JAZF1: variants seen among roughly 807,000 people sequenced by gnomAD.
JAZF1 encodes juxtaposed with another zinc finger protein 1.
In JAZF1, 8 loss-of-function variants were observed where a neutral mutation model predicts 26.4. The ratio of observed to expected loss-of-function variants is 0.30; its 90% CI spans 0.18 to 0.55. The LOEUF is 0.55. JAZF1 is among the 20% of genes least tolerant of loss of function. The pLI, the probability that JAZF1 is intolerant of heterozygous loss-of-function variation, is 0.94. For synonymous variants in JAZF1, 126 were observed against 122.3 expected, an observed-to-expected ratio of 1.03 and a Z score of -0.20; for missense variants, 199 against 322.0, an observed-to-expected ratio of 0.62 and a Z score of 2.92.
In JAZF1 at chr7:28,056,636, A is replaced by G. The variant is rs368623436; in HGVS notation, c.116-64655T>C. On this transcript the variant is annotated intron_variant, in intron 1 of 4. Coordinates refer to ENST00000283928, the MANE Select transcript of JAZF1 (RefSeq NM_175061.4). Reference sequence around the variant, plus strand: ...ATTAAACTAAAAGCAAACACAGCTCATGAAATCAGGAGAGCTATCTGGCTT... The same window carrying G: ...ATTAAACTAAAAGCAAACACAGCTCGTGAAATCAGGAGAGCTATCTGGCTT... 7.2e-5 allele frequency among the ~76,000 whole-genome samples: 11 copies of G among 152,306 alleles called. No homozygotes were observed. The East Asian group carries it at 2.1e-3, about 29-fold the overall frequency.
intron 3 of JAZF1, among the ~76,000 whole-genome samples, chr7:27,852,145 T>TC (rs1051459781): frequency 1.3e-5 from 2 of 150,604 alleles, no homozygotes; most frequent in Non-Finnish European, 2.9e-5. Flanking sequence ...TTTTTTTTTT[T>TC]CTTTGAGATG....
intron 3 of JAZF1, among the ~76,000 whole-genome samples, chr7:27,848,087 T>C (rs1430816885): frequency 1.3e-5 from 2 of 152,222 alleles, no homozygotes; most frequent in African/African-American, 2.4e-5. Flanking sequence ...GTTTTTACTG[T>C]TTCCGTGAAG....
chr7:28,131,818 C>A (rs1782798993), intron 1 of JAZF1, among the ~76,000 whole-genome samples: 1 of 152,134 alleles, frequency 6.6e-6, no homozygotes, highest in Admixed American at 6.5e-5. Flanking sequence ...CATTTGTTCT[C>A]AAAAGTTTCT....
At chr7:28,054,002 T>C (rs1325425529) in intron 1 of JAZF1, among the ~76,000 whole-genome samples, 1 of 152,248 alleles carries the variant, frequency 6.6e-6, no homozygotes, top group Non-Finnish European at 1.5e-5. Flanking sequence ...ATTTCTTCAA[T>C]TAGGGTAGGA....
chr7:28,091,891 G>A (rs1201593727), intron 1 of JAZF1, among the ~76,000 whole-genome samples: 1 of 152,070 alleles, frequency 6.6e-6, no homozygotes, highest in Non-Finnish European at 1.5e-5. Flanking sequence ...ACCTTAGCAT[G>A]TCAATAGGTC....
chr7:28,150,009 T>G (rs2127948151), intron 1 of JAZF1, among the ~76,000 whole-genome samples: 1 of 152,340 alleles, frequency 6.6e-6, no homozygotes, highest in Non-Finnish European at 1.5e-5. Flanking sequence ...AGGAGCACCC[T>G]GACAAACATT....
chr7:28,113,046 G>T (rs1784687003), intron 1 of JAZF1, among the ~76,000 whole-genome samples: 1 of 152,124 alleles, frequency 6.6e-6, no homozygotes, highest in Non-Finnish European at 1.5e-5. Context: ...TGCGCCTCTG[G>T]ACATAATCTC....
chr7:27,882,319 T>A (rs1371997435), intron 3 of JAZF1, among the ~76,000 whole-genome samples: 4 of 151,164 alleles, frequency 2.6e-5, no homozygotes, highest in African/African-American at 7.3e-5. Context: ...TTTTTTTTTT[T>A]AAACAAAAAA....
intron 1 of JAZF1, among the ~76,000 whole-genome samples, chr7:28,147,131 C>A (rs1301822238): frequency 2.0e-5 from 3 of 150,584 alleles, no homozygotes; most frequent in Non-Finnish European, 3.0e-5. Flanking sequence ...TAGGCATGAG[C>A]CAGTGCACCT....
At chr7:28,069,664 AG>A (rs200038273) in intron 1 of JAZF1, among the ~76,000 whole-genome samples, 1 of 152,134 alleles carries the variant, frequency 6.6e-6, no homozygotes, top group Non-Finnish European at 1.5e-5. Flanking sequence ...TAATGACCTA[AG>A]GGGGGAGAAA....
chr7:27,899,101 C>T (rs1227474755), intron 2 of JAZF1, among the ~76,000 whole-genome samples: 3 of 152,346 alleles, frequency 2.0e-5, no homozygotes, highest in African/African-American at 4.8e-5. Context: ...AACCCATTTT[C>T]TGAGACTTAA....
intron 2 of JAZF1, among the ~76,000 whole-genome samples, chr7:27,921,350 T>TC (rs70977010): frequency 3.3e-3 from 497 of 151,602 alleles, no homozygotes; most frequent in Non-Finnish European, 5.6e-3. Context: ...TTTTTTTTTT[T>TC]CCTTTTTACA....
At chr7:27,875,921 T>C (rs1231674881) in intron 3 of JAZF1, among the ~76,000 whole-genome samples, 1 of 152,094 alleles carries the variant, frequency 6.6e-6, no homozygotes, top group South Asian at 2.1e-4. Context: ...ATTTCCTATA[T>C]TTCCAGTCAT....
At chr7:27,889,410 AT>A (rs1453287290) in intron 3 of JAZF1, among the ~76,000 whole-genome samples, 6 of 152,156 alleles carry the variant, frequency 3.9e-5, no homozygotes, top group Non-Finnish European at 8.8e-5. Context: ...CTATAGGATG[AT>A]CCCACGTCAA....
At chr7:28,071,222 C>T (rs1414604455) in intron 1 of JAZF1, among the ~76,000 whole-genome samples, 1 of 152,198 alleles carries the variant, frequency 6.6e-6, no homozygotes, top group Admixed American at 6.5e-5. Context: ...GGAGGTTTGA[C>T]ACCAAAAGAG....
chr7:27,846,009 C>T (rs546118156), intron 3 of JAZF1, among the ~76,000 whole-genome samples: 4 of 152,154 alleles, frequency 2.6e-5, no homozygotes, highest in South Asian at 2.1e-4. Context: ...CCTCCCCATA[C>T]GTTCCTGCTT....
At chr7:27,897,530 A>G (rs1048244416) in intron 2 of JAZF1, among the ~76,000 whole-genome samples, 1 of 152,162 alleles carries the variant, frequency 6.6e-6, no homozygotes, top group Non-Finnish European at 1.5e-5. Context: ...TGTGTCAACT[A>G]TGTTACTAGG....
chr7:28,038,166 T>C (rs1783326355), intron 1 of JAZF1, among the ~76,000 whole-genome samples: 2 of 152,154 alleles, frequency 1.3e-5, no homozygotes, highest in African/African-American at 4.8e-5. Context: ...GAATGGGAAT[T>C]TCCATGAAGT....
At chr7:28,132,757 A>C (rs896493301) in intron 1 of JAZF1, among the ~76,000 whole-genome samples, 2 of 152,222 alleles carry the variant, frequency 1.3e-5, no homozygotes, top group African/African-American at 4.8e-5. Flanking sequence ...ACTGCAGGTG[A>C]AACTTTTCAA....
Sources: gnomAD v4.1 joint callset for allele counts (sites outside exome capture counted in the v4.1 genomes callset) on GRCh38, gnomAD v4.1.1 for gene constraint, MANE v1.5 for transcripts, NCBI Gene and HGNC (gene_info 2026-07-23, HGNC 2026-07-21) for gene names.